Variants in FRYL observed in about 807,000 individuals in gnomAD.
The protein encoded by FRYL is FRY like transcription coactivator, also known as protein furry homolog-like.
Under a neutral mutation model 351.2 loss-of-function variants are expected in FRYL, and 150 were observed. The ratio of observed to expected loss-of-function variants is 0.43; its 90% CI spans 0.37 to 0.49. The LOEUF (loss-of-function observed/expected upper bound fraction) is 0.49. Ranked by LOEUF, FRYL falls within the 20% of genes least tolerant of loss-of-function variation. FRYL has a pLI of 0.00. For synonymous variants in FRYL, 1,153 were observed against 1,257.1 expected (o/e 0.92, Z 1.75); for missense variants, 3,036 against 3,619.3 (o/e 0.84, Z 4.13).
intron 35 of FRYL, among the ~76,000 whole-genome samples, chr4:48,554,197 G>A (rs1733557526): frequency 6.6e-6 from 1 of 152,098 alleles, no homozygotes; most frequent in Non-Finnish European, 1.5e-5. Context: ...ATCATCATCT[G>A]GAGTTTGCTA....
intron 3 of FRYL, among the ~76,000 whole-genome samples, chr4:48,668,731 G>A (rs2354312): frequency 0.51 from 77,761 of 151,984 alleles, 20,352 homozygotes; most frequent in African/African-American, 0.61. Context: ...AGGCTAGGCG[G>A]TGAGGAAAAC....
At chr4:48,684,599 T>C (rs576496538) in intron 3 of FRYL, 74 bp downstream of exon 3, 4 of 152,346 alleles carry the variant, frequency 2.6e-5, no homozygotes, top group African/African-American at 9.6e-5. Flanking sequence ...ACCTCACAGC[T>C]AAAATACAGC....
chr4:48,665,543 T>C (rs1438382462), intron 3 of FRYL, among the ~76,000 whole-genome samples: 1 of 152,216 alleles, frequency 6.6e-6, no homozygotes, highest in Admixed American at 6.5e-5. Flanking sequence ...TAATGCATAT[T>C]TATTTTATTG....
chr4:48,704,355 G>A (rs1443411208), intron 2 of FRYL, among the ~76,000 whole-genome samples: 1 of 152,170 alleles, frequency 6.6e-6, no homozygotes, highest in East Asian at 1.9e-4. Flanking sequence ...ACACTACAAT[G>A]AGATTCCATC....
At chr4:48,606,708 C>T in intron 9 of FRYL, 102 bp from the exon 10 acceptor site, 1 of 812,334 alleles carries the variant, frequency 1.2e-6, no homozygotes, top group South Asian at 3.1e-5. Context: ...TAAATATCAT[C>T]TCCTTTCTCT....
intron 35 of FRYL, among the ~76,000 whole-genome samples, chr4:48,554,842 A>C (rs1199763393): frequency 2.0e-5 from 3 of 152,276 alleles, no homozygotes; most frequent in South Asian, 4.1e-4. Flanking sequence ...TCAAGTCTTC[A>C]AGCCCCATCC....
intron 3 of FRYL, among the ~76,000 whole-genome samples, chr4:48,682,928 A>T (rs1471022279): frequency 6.6e-6 from 1 of 152,200 alleles, no homozygotes; most frequent in African/African-American, 2.4e-5. Flanking sequence ...GTACATACCC[A>T]AAGAATTATA....
intron 1 of FRYL, among the ~76,000 whole-genome samples, chr4:48,745,260 C>T (rs1330747511): frequency 6.6e-6 from 1 of 152,138 alleles, no homozygotes; most frequent in African/African-American, 2.4e-5. Context: ...TGGGTATATA[C>T]CCAAAGGATT....
chr4:48,587,629 C>T (rs1249057156), intron 18 of FRYL, among the ~76,000 whole-genome samples: 3 of 151,932 alleles, frequency 2.0e-5, no homozygotes, highest in African/African-American at 4.8e-5. Flanking sequence ...CTGTAACCTC[C>T]GCCTCCCGGG....
chr4:48,697,741 G>A (rs1164225997), intron 2 of FRYL, among the ~76,000 whole-genome samples: 1 of 152,060 alleles, frequency 6.6e-6, no homozygotes, highest in African/African-American at 2.4e-5. Flanking sequence ...GGCCTCGCAT[G>A]AGCCACCATG....
intron 1 of FRYL, among the ~76,000 whole-genome samples, chr4:48,746,632 T>C (rs1772714733): frequency 6.6e-6 from 1 of 151,890 alleles, no homozygotes; most frequent in African/African-American, 2.4e-5. Flanking sequence ...GTTGGATCCA[T>C]GTCCTCTGAC....
chr4:48,514,734 T>C (rs1389908264), intron 56 of FRYL, among the ~76,000 whole-genome samples: 1 of 152,266 alleles, frequency 6.6e-6, no homozygotes, highest in Non-Finnish European at 1.5e-5. Context: ...TCTGCCAAAA[T>C]AGATATTTGG....
chr4:48,759,621 A>C (rs1774193142), intron 1 of FRYL, among the ~76,000 whole-genome samples: 1 of 151,928 alleles, frequency 6.6e-6, no homozygotes, highest in South Asian at 2.1e-4. Context: ...TGATTTTTTG[A>C]ATTTATTTTT....
chr4:48,563,716 A>G (rs1736074072), intron 31 of FRYL, among the ~76,000 whole-genome samples: 1 of 151,924 alleles, frequency 6.6e-6, no homozygotes, highest in Non-Finnish European at 1.5e-5. Flanking sequence ...TAAAAAAAAA[A>G]AAAAAGGAGT....
rs1208899907 is a variant in FRYL, at chr4:48,595,710, A to G, written c.1140-12T>C. ...TGCTCATAAGACGACTACAGGGAAA[A>G]AGATCTAGTCATAGTGAGATCATAA... On this transcript the variant is annotated splice_polypyrimidine_tract_variant and intron_variant, in intron 14 of 63. Coordinates refer to ENST00000358350, the MANE Select transcript of FRYL (RefSeq NM_015030.2). 1 of 1,562,320 alleles carries G rather than the reference A, an allele frequency of 6.4e-7. No homozygotes were observed. The highest frequency in any genetic ancestry group is 8.8e-7 in the Non-Finnish European group (1 of 1,137,038).
intron 59 of FRYL, chr4:48,505,905 A>C (rs972484613): frequency 6.9e-6 from 2 of 290,356 alleles, no homozygotes; most frequent in Non-Finnish European, 1.3e-5. Context: ...TTCATTTTGC[A>C]GGTTTTATGA....
Position 48,540,647 on chromosome 4 carries a change from C to T in FRYL, c.6001G>A (p.Ala2001Thr). ...QSTTEPTNLM[A>T]TIFWIAASLL... The stretch of plus-strand genomic sequence containing the variant: ...GATGCTGCTATCCAAAAAATGGTGG[C>T]CATCAAGTTGGTAGGCTCAGTAGTG... The change falls in exon 46 of 64, where the codon GCC becomes ACC. Residue 2001 changes from alanine (A) to threonine (T), a missense_variant. Physicochemically the swap from Ala to Thr is moderately conservative, Grantham distance 58. Transcript: ENST00000358350. 1 of 1,613,880 alleles carries T rather than the reference C, an allele frequency of 6.2e-7. No homozygotes were observed. The highest frequency in any genetic ancestry group is 8.5e-7 in the Non-Finnish European group (1 of 1,179,886).
chr4:48,606,572 A>T lies in FRYL; in HGVS notation c.607T>A (p.Leu203Ile). The T allele has an allele frequency of 1.2e-6, 2 of 1,612,012 alleles. No homozygotes were observed. The highest frequency in any genetic ancestry group is 1.7e-6 in the Non-Finnish European group (2 of 1,178,494). ...TGTTCCTTTTGTCGCAGTTCTTTTAATTCTGTCACAAACTTCTTCCTTACA... is the reference window on the plus strand; with the variant it reads ...TGTTCCTTTTGTCGCAGTTCTTTTATTTCTGTCACAAACTTCTTCCTTACA... Reference protein sequence around the residue: ...QAVRKKFVTELKELRQKEQSP... With the variant: ...QAVRKKFVTEIKELRQKEQSP... Residue 203 changes from leucine (L) to isoleucine (I), a missense_variant, in exon 10 of 64, where the codon TTA (leucine) becomes ATA (isoleucine). Transcript: ENST00000358350.
intron 7 of FRYL, among the ~76,000 whole-genome samples, chr4:48,613,539 A>G (rs1322218822): frequency 1.3e-5 from 2 of 152,190 alleles, no homozygotes; most frequent in Non-Finnish European, 2.9e-5. Flanking sequence ...TATGTTTATA[A>G]CACTTGTTAA....
Sources: allele counts gnomAD v4.1 joint callset (sites outside exome capture counted in the v4.1 genomes callset), GRCh38; gene constraint gnomAD v4.1.1; transcripts MANE v1.5; gene names NCBI Gene and HGNC (gene_info 2026-07-23, HGNC 2026-07-21).